The following WSCD2 variants were observed in gnomAD, a reference collection of about 807,000 sequenced individuals.
WSCD2 encodes sialate:O-sulfotransferase 2.
In WSCD2, 28 loss-of-function variants were observed where a neutral mutation model predicts 55.7. That is an observed-to-expected ratio of 0.50 (90% confidence interval 0.37 to 0.69). The LOEUF (loss-of-function observed/expected upper bound fraction) is 0.69. Ranked by LOEUF, WSCD2 falls within the 30% of genes least tolerant of loss-of-function variation. WSCD2 has a pLI of 0.00. For missense variants in WSCD2, 616 were observed against 762.1 expected (o/e 0.81, Z 2.26); for synonymous variants, 301 against 301.9 (o/e 1.00, Z 0.03).
intron 1 of WSCD2, among the ~76,000 whole-genome samples, chr12:108,170,462 T>C (rs1880121981): frequency 6.6e-6 from 1 of 152,130 alleles, no homozygotes; most frequent in Non-Finnish European, 1.5e-5. Context: ...ATGATGATGA[T>C]GATGAGAACA....
chr12:108,211,011 A>G (rs1308966940), intron 4 of WSCD2, among the ~76,000 whole-genome samples: 1 of 152,196 alleles, frequency 6.6e-6, no homozygotes, highest in Non-Finnish European at 1.5e-5. Flanking sequence ...GGGACTGGGG[A>G]GGAATGTTTA....
At chr12:108,205,806 C>T (rs1249914190) in intron 2 of WSCD2, among the ~76,000 whole-genome samples, 1 of 152,206 alleles carries the variant, frequency 6.6e-6, no homozygotes, top group Admixed American at 6.5e-5. Context: ...CTGGCTTAAA[C>T]TTTCTAGGCC....
intron 2 of WSCD2, among the ~76,000 whole-genome samples, chr12:108,201,340 C>G (rs550012532): frequency 1.1e-4 from 16 of 152,332 alleles, no homozygotes; most frequent in African/African-American, 3.4e-4. Context: ...TCCTTTGCGT[C>G]TGTGTCTTCA....
intron 1 of WSCD2, among the ~76,000 whole-genome samples, chr12:108,193,003 C>A (rs760492383): frequency 5.9e-5 from 9 of 151,900 alleles, no homozygotes; most frequent in Non-Finnish European, 1.3e-4. Context: ...CCAGAATAGA[C>A]ATACGGTTAG....
chr12:108,201,185 G>A (rs556607540), intron 2 of WSCD2, among the ~76,000 whole-genome samples: 1 of 152,290 alleles, frequency 6.6e-6, no homozygotes, highest in South Asian at 2.1e-4. Flanking sequence ...TCAGGGTGTT[G>A]GCAGGGCCAT....
intron 1 of WSCD2, among the ~76,000 whole-genome samples, chr12:108,132,500 G>A (rs1187741522): frequency 6.6e-6 from 1 of 152,146 alleles, no homozygotes; most frequent in Admixed American, 6.5e-5. Context: ...ATGAGTGTGA[G>A]CGTGCATGTC....
chr12:108,201,832 G>GA (rs1359496127), intron 2 of WSCD2, among the ~76,000 whole-genome samples: 1 of 151,998 alleles, frequency 6.6e-6, no homozygotes, highest in Non-Finnish European at 1.5e-5. Flanking sequence ...TGTAGCAAAA[G>GA]AAAAAAGTAA....
At chr12:108,218,596 G>A (rs374662793) in intron 4 of WSCD2, among the ~76,000 whole-genome samples, 42 of 152,336 alleles carry the variant, frequency 2.8e-4, no homozygotes, top group African/African-American at 8.9e-4. Context: ...GAAGATGCAT[G>A]TGTGCCACCC....
chr12:108,180,592 T>C (rs1881593706), intron 1 of WSCD2, among the ~76,000 whole-genome samples: 1 of 152,202 alleles, frequency 6.6e-6, no homozygotes, highest in Admixed American at 6.5e-5. Flanking sequence ...TAGTTTTTAT[T>C]TTTATGTTTT....
chr12:108,186,137 C>T (rs1003185443), intron 1 of WSCD2, among the ~76,000 whole-genome samples: 1 of 152,182 alleles, frequency 6.6e-6, no homozygotes, highest in Non-Finnish European at 1.5e-5. Context: ...TTGGATATTT[C>T]GTTGACATGT....
chr12:108,187,695 A>G (rs538395856), intron 1 of WSCD2, among the ~76,000 whole-genome samples: 22 of 152,322 alleles, frequency 1.4e-4, no homozygotes, highest in African/African-American at 5.3e-4. Context: ...TTAGGGTGCT[A>G]TGTATTTTAA....
At chr12:108,169,738 C>G (rs1045063848) in intron 1 of WSCD2, among the ~76,000 whole-genome samples, 2 of 152,100 alleles carry the variant, frequency 1.3e-5, no homozygotes, top group Admixed American at 6.6e-5. Context: ...GGACAGTTTC[C>G]AGGGTCATGG....
chr12:108,196,467 G>A, intron 2 of WSCD2: 2 of 505,174 alleles, frequency 4.0e-6, no homozygotes, highest in Non-Finnish European at 6.9e-6. Context: ...ACATCTATCA[G>A]AGGTCAAAGT....
chr12:108,150,640 G>GTA (rs1877884676), intron 1 of WSCD2, among the ~76,000 whole-genome samples: 1 of 152,152 alleles, frequency 6.6e-6, no homozygotes, highest in Non-Finnish European at 1.5e-5. Context: ...TGACACAGGA[G>GTA]AGAGGCAGGC....
In WSCD2 at chr12:108,213,289, AC is replaced by A. The variant is rs547624181; in HGVS notation, c.682+2987del. Among the ~76,000 whole-genome samples the A allele has an allele frequency of 2.1e-3, 318 of 152,268 alleles. 4 individuals are homozygous for A. Among genetic ancestry groups the A allele is most frequent in the Non-Finnish European group, 4.4e-4 (30 of 68,012 alleles). On this transcript the variant is annotated intron_variant, in intron 4 of 8. Transcript: ENST00000547525. The stretch of plus-strand genomic sequence containing the variant: ...ACAAGTAGGATTGGTTGAACCACAG[AC>A]CCAGAGGGCTGCGGGGGCTCTGTCT...
intron 4 of WSCD2, among the ~76,000 whole-genome samples, chr12:108,212,079 T>C (rs999553376): frequency 2.0e-5 from 3 of 152,092 alleles, no homozygotes; most frequent in Non-Finnish European, 2.9e-5. Flanking sequence ...CACCTCCCCA[T>C]AGTCACATCA....
chr12:108,243,400 G>A (rs182260697), intron 8 of WSCD2, among the ~76,000 whole-genome samples: 1 of 152,246 alleles, frequency 6.6e-6, no homozygotes, highest in Admixed American at 6.5e-5. Context: ...ACCACACCTG[G>A]CTAATTTTTT....
In WSCD2 at chr12:108,250,467, A is replaced by G. The variant is rs1212869749; in HGVS notation, c.*2124A>G. ...TGCCGGTATGACCATCTTATTTGTAATGAGTCTGTGCAGGTCCTTGTGTAT... is the reference window on the plus strand; with the variant it reads ...TGCCGGTATGACCATCTTATTTGTAGTGAGTCTGTGCAGGTCCTTGTGTAT... On this transcript the variant is annotated 3_prime_UTR_variant, in exon 9 of 9. Coordinates refer to ENST00000547525, the MANE Select transcript of WSCD2 (RefSeq NM_014653.4). 2.6e-5 allele frequency: 4 copies of G among 152,224 alleles called. No homozygotes were observed. Among genetic ancestry groups the G allele is most frequent in the Admixed American group, 2.0e-4 (3 of 15,278 alleles). The allele number at this position is 152,224 out of a possible 1,614,324, so 9.4% of individuals were successfully genotyped here.
chr12:108,180,233 G>C (rs2136997767), intron 1 of WSCD2, among the ~76,000 whole-genome samples: 1 of 152,186 alleles, frequency 6.6e-6, no homozygotes, highest in African/African-American at 2.4e-5. Context: ...CATCTTCATG[G>C]ATGTATTCAC....
Sources: gnomAD v4.1 joint callset for allele counts (sites outside exome capture counted in the v4.1 genomes callset) on GRCh38, gnomAD v4.1.1 for gene constraint, MANE v1.5 for transcripts, NCBI Gene and HGNC (gene_info 2026-07-23, HGNC 2026-07-21) for gene names.